Variants in MOK observed in about 807,000 individuals in gnomAD.
MOK encodes the protein MAPK/MAK/MRK overlapping kinase.
MOK carries 59 observed loss-of-function variants against 54.2 expected under a neutral mutation model. The observed-to-expected ratio is 1.09, with a 90% confidence interval of 0.88 to 1.35. MOK has a LOEUF of 1.35. Among genes scored for constraint, MOK ranks in the 40% most tolerant of loss-of-function variants. The pLI is 0.00. For synonymous variants in MOK, 210 were observed against 202.7 expected (o/e 1.04, Z -0.31); for missense variants, 517 against 526.2 (o/e 0.98, Z 0.17).
At position 102,245,851 on chromosome 14, in the gene MOK, G is replaced by A. The variant is rs752841752; in HGVS notation, c.590+4961C>T. On this transcript the variant is annotated intron_variant, in intron 7 of 11. Coordinates refer to ENST00000361847, the MANE Select transcript of MOK (RefSeq NM_014226.3). This position sits in a 1 kb window ranked among gnomAD's most constrained non-coding sequence, Gnocchi z 4.3. Reference sequence around the variant, plus strand: ...CAGGTTAAAGAGAGCTCCCACCTCCGATCCTCCAACCAGCACCTCACCAAC... The same window carrying A: ...CAGGTTAAAGAGAGCTCCCACCTCCAATCCTCCAACCAGCACCTCACCAAC... Among the ~76,000 whole-genome samples the A allele has an allele frequency of 2.0e-5, 3 of 151,962 alleles. No individual in the cohort carries two copies. Among genetic ancestry groups the A allele is most frequent in the Non-Finnish European group, 2.9e-5 (2 of 67,988 alleles).
intron 1 of MOK, among the ~76,000 whole-genome samples, chr14:102,284,881 A>G (rs1033037527): frequency 6.6e-6 from 1 of 152,156 alleles, no homozygotes; most frequent in Non-Finnish European, 1.5e-5. Context: ...CAGGAGTTCC[A>G]GACCAGCCTG....
At chr14:102,252,363 G>A (rs1376394956) in intron 4 of MOK, among the ~76,000 whole-genome samples, 1 of 151,848 alleles carries the variant, frequency 6.6e-6, no homozygotes, top group East Asian at 1.9e-4. Context: ...GCTGAGGCTG[G>A]AGAATCGCTT....
chr14:102,229,118 G>A lies in MOK; in HGVS notation c.*171C>T, dbSNP rs1376147431. 7 of 631,740 alleles carry A rather than the reference G, an allele frequency of 1.1e-5. No homozygotes were observed. The highest frequency in any genetic ancestry group is 1.8e-5 in the African/African-American group (1 of 54,224). The allele number at this position is 631,740 out of a possible 1,614,324, so 39.1% of individuals were successfully genotyped here. A position where few individuals can be genotyped will look rare whatever the true frequency, so the allele number is the denominator to read the frequency against. Reference sequence around the variant, plus strand: ...TTAGCCCAGAACATCCTAGGCAGCTGCGCGGGCCGCGGGTGCGGCAGGGCG... The same window carrying A: ...TTAGCCCAGAACATCCTAGGCAGCTACGCGGGCCGCGGGTGCGGCAGGGCG... On this transcript the variant is annotated 3_prime_UTR_variant, in exon 12 of 12. Coordinates refer to ENST00000361847, the MANE Select transcript of MOK (RefSeq NM_014226.3).
intron 2 of MOK, among the ~76,000 whole-genome samples, chr14:102,278,354 T>C (rs10142942): frequency 0.021 from 3,147 of 151,392 alleles, 73 homozygotes; most frequent in African/African-American, 0.052. Context: ...TGTATATGCT[T>C]GAGGTTTTTC....
rs10151812 is a variant in MOK, at chr14:102,289,698, C to T, written c.8-6106G>A. Among the ~76,000 whole-genome samples the T allele has an allele frequency of 6.5e-3, 990 of 152,090 alleles. 12 individuals are homozygous for T. Among genetic ancestry groups the T allele is most frequent in the African/African-American group, 0.023 (948 of 41,476 alleles). ...AGAGATGGGGTTTCACCATGTTGGC[C>T]AGGCTGGTCTCGAACTCCTAACCTC... is the stretch of plus-strand genomic sequence containing the variant. On this transcript the variant is annotated intron_variant, in intron 1 of 11. Transcript: ENST00000361847.
chr14:102,304,382 C>T (rs1180762263), intron 1 of MOK, among the ~76,000 whole-genome samples: 1 of 152,232 alleles, frequency 6.6e-6, no homozygotes, highest in Non-Finnish European at 1.5e-5. Context: ...ATGACTACCT[C>T]ATTTCCCAAC....
intron 7 of MOK, among the ~76,000 whole-genome samples, chr14:102,248,048 G>A (rs1197713423): frequency 6.6e-6 from 1 of 152,116 alleles, no homozygotes; most frequent in African/African-American, 2.4e-5. Context: ...CTCCAAGAAC[G>A]GCAGTCCCTA....
chr14:102,245,268 C>A lies in MOK; in HGVS notation c.590+5544G>T, dbSNP rs938357186. Among the ~76,000 whole-genome samples, 1 of 152,182 alleles carries A rather than the reference C, an allele frequency of 6.6e-6. No individual in the cohort carries two copies. Among genetic ancestry groups the A allele is most frequent in the African/African-American group, 2.4e-5 (1 of 41,504 alleles). On this transcript the variant is annotated intron_variant, in intron 7 of 11. Transcript: ENST00000361847. The surrounding 1 kb of genome is among the most constrained non-coding windows in gnomAD (Gnocchi z 4.3). ...CTCCCACTCCAGGTTCCCACGCCAC[C>A]CCTAATCCCACTCGAAGCAGCCCTG...
chr14:102,262,176 C>T (rs550208616), intron 4 of MOK, among the ~76,000 whole-genome samples: 35 of 152,192 alleles, frequency 2.3e-4, no homozygotes, highest in African/African-American at 4.8e-4. Flanking sequence ...GACAGAGTCT[C>T]GCTCTGTCGC....
intron 2 of MOK, among the ~76,000 whole-genome samples, chr14:102,279,819 T>C (rs1410449068): frequency 6.6e-6 from 1 of 152,040 alleles, no homozygotes; most frequent in Non-Finnish European, 1.5e-5. Context: ...ATCCATTATG[T>C]GTATTTTTTT....
At chr14:102,297,086 G>T (rs144715550) in intron 1 of MOK, among the ~76,000 whole-genome samples, 1 of 149,154 alleles carries the variant, frequency 6.7e-6, no homozygotes, top group Non-Finnish European at 1.5e-5. Context: ...GGCTGGGCAC[G>T]GTGACTCACG....
intron 7 of MOK, among the ~76,000 whole-genome samples, chr14:102,242,296 A>G (rs958745206): frequency 1.3e-5 from 2 of 151,576 alleles, no homozygotes; most frequent in African/African-American, 4.9e-5. Context: ...AAACTCCCCA[A>G]CTCTGGTGCC....
At chr14:102,276,181 G>A (rs970182923) in intron 2 of MOK, among the ~76,000 whole-genome samples, 7 of 152,094 alleles carry the variant, frequency 4.6e-5, no homozygotes, top group South Asian at 4.1e-4. Flanking sequence ...ATTCTTTGCC[G>A]GTGGTAATAT....
chr14:102,256,416 A>C, intron 4 of MOK, among the ~76,000 whole-genome samples: 1 of 151,896 alleles, frequency 6.6e-6, no homozygotes, highest in East Asian at 1.9e-4. Flanking sequence ...TACAAAAAAA[A>C]ATTAGCCAGG....
At chr14:102,253,036 C>T (rs948733491) in intron 4 of MOK, among the ~76,000 whole-genome samples, 7 of 152,228 alleles carry the variant, frequency 4.6e-5, no homozygotes, top group African/African-American at 1.7e-4. Context: ...CTATCAGCTG[C>T]ATAGTGACTC....
At chr14:102,274,902 G>C (rs1364417868) in intron 2 of MOK, among the ~76,000 whole-genome samples, 1 of 150,892 alleles carries the variant, frequency 6.6e-6, no homozygotes, top group Non-Finnish European at 1.5e-5. Flanking sequence ...TTGAAACCAG[G>C]AGGCAGAGGT....
chr14:102,287,339 C>A (rs920897128), intron 1 of MOK, among the ~76,000 whole-genome samples: 1 of 152,196 alleles, frequency 6.6e-6, no homozygotes, highest in African/African-American at 2.4e-5. Flanking sequence ...CACAGTGGCA[C>A]ATGCCTGTAA....
At chr14:102,264,845 C>A (rs1437807530) in intron 3 of MOK, among the ~76,000 whole-genome samples, 1 of 152,234 alleles carries the variant, frequency 6.6e-6, no homozygotes, top group Non-Finnish European at 1.5e-5. Context: ...TCCGGAGCCA[C>A]AGCGAAGCTT....
rs1284058825 is a variant in MOK, at chr14:102,235,177, C to T, written c.591-1388G>A. On this transcript the variant is annotated intron_variant, in intron 7 of 11. Transcript: ENST00000361847. The surrounding 1 kb of genome is among the most constrained non-coding windows in gnomAD (Gnocchi z 4.4). ...CTCCACCCCTTACTCGTTCTCGAGC[C>T]CAACACGCCCAGCAGCCTGCTCCCT... The T allele has an allele frequency of 6.6e-6, 1 of 152,342 alleles. No individual in the cohort carries two copies. Among genetic ancestry groups the T allele is most frequent in the East Asian group, 1.9e-4 (1 of 5,194 alleles). The allele number at this position is 152,342 out of a possible 1,614,324, so 9.4% of individuals were successfully genotyped here. A position where few individuals can be genotyped will look rare whatever the true frequency, so the allele number is the denominator to read the frequency against.
Sources: gnomAD v4.1 joint callset for allele counts (sites outside exome capture counted in the v4.1 genomes callset) on GRCh38, gnomAD v4.1.1 for gene constraint, Gnocchi (gnomAD v3.1) non-coding constraint, MANE v1.5 for transcripts, NCBI Gene and HGNC (gene_info 2026-07-23, HGNC 2026-07-21) for gene names.